Variants in SLC9C2 observed in about 807,000 individuals in gnomAD.
SLC9C2 encodes the protein sodium/hydrogen exchanger 11.
A neutral mutation model predicts 140.2 loss-of-function variants in SLC9C2; 75 were observed. The observed-to-expected ratio is 0.53, with a 90% confidence interval of 0.44 to 0.65. SLC9C2 has a LOEUF of 0.65. Ranked by LOEUF, SLC9C2 falls within the 30% of genes least tolerant of loss-of-function variation. The pLI, the probability that SLC9C2 is intolerant of heterozygous loss-of-function variation, is 0.00. For synonymous variants in SLC9C2, 375 were observed against 420.9 expected, an observed-to-expected ratio of 0.89 and a Z score of 1.34; for missense variants, 1,074 against 1,331.8, an observed-to-expected ratio of 0.81 and a Z score of 3.01.
chr1:173,577,223 G>T (rs1052931988), intron 7 of SLC9C2, among the ~76,000 whole-genome samples: 1 of 152,216 alleles, frequency 6.6e-6, no homozygotes, highest in African/African-American at 2.4e-5. Flanking sequence ...CATCACTGAG[G>T]ATAGGGCTAA....
At chr1:173,518,743 A>G (rs1043003895) in intron 22 of SLC9C2, among the ~76,000 whole-genome samples, 9 of 152,340 alleles carry the variant, frequency 5.9e-5, no homozygotes, top group African/African-American at 1.9e-4. Context: ...ATTAGCATTC[A>G]GACTTTTAAA....
At chr1:173,560,290 C>T (rs187996109) in intron 9 of SLC9C2, among the ~76,000 whole-genome samples, 34 of 152,336 alleles carry the variant, frequency 2.2e-4, no homozygotes, top group Admixed American at 2.2e-3. Flanking sequence ...TCCATTTAGA[C>T]ATCCTCTTCA....
chr1:173,550,746 T>TG, intron 11 of SLC9C2, among the ~76,000 whole-genome samples: 1 of 146,308 alleles, frequency 6.8e-6, no homozygotes, highest in East Asian at 2.0e-4. Flanking sequence ...CCTGTATCAT[T>TG]TTTTTTTTTT....
At chr1:173,530,316 G>C (rs1029531833) in intron 17 of SLC9C2, among the ~76,000 whole-genome samples, 3 of 152,140 alleles carry the variant, frequency 2.0e-5, no homozygotes, top group African/African-American at 7.2e-5. Context: ...AGAAGGTGAA[G>C]CTTAGTGAAT....
intron 15 of SLC9C2, among the ~76,000 whole-genome samples, chr1:173,535,284 G>A (rs1007764199): frequency 2.6e-5 from 4 of 152,090 alleles, no homozygotes; most frequent in Non-Finnish European, 5.9e-5. Flanking sequence ...TGTTCTATTG[G>A]TATAAAAATT....
At chr1:173,550,360 T>C (rs1663168234) in intron 11 of SLC9C2, among the ~76,000 whole-genome samples, 1 of 152,096 alleles carries the variant, frequency 6.6e-6, no homozygotes, top group Admixed American at 6.6e-5. Context: ...GCCATAATCG[T>C]GCCACTGCAT....
At chr1:173,554,131 T>C (rs1663506543) in intron 11 of SLC9C2, among the ~76,000 whole-genome samples, 1 of 152,242 alleles carries the variant, frequency 6.6e-6, no homozygotes, top group Non-Finnish European at 1.5e-5. Flanking sequence ...CCAACATCCA[T>C]TCTCTTCTTC....
rs1661915895 is a variant in SLC9C2, at chr1:173,535,885, T to C, written c.1720A>G (p.Asn574Asp). The C allele has an allele frequency of 6.6e-6, 10 of 1,514,688 alleles. No individual in the cohort carries two copies. Among genetic ancestry groups the C allele is most frequent in the Non-Finnish European group, 8.9e-6 (10 of 1,126,416 alleles). The allele number at this position is 1,514,688 out of a possible 1,614,324, so 93.8% of individuals were successfully genotyped here. ...CAATATTCCAAGAAAGTTAAAACAT[T>C]TTTAAACTTTATAAGCCAACTTCTA... ...RTRSWLIKFK[N>D]VLTFLEYCIE... The change falls in exon 15 of 28, where the codon AAT becomes GAT. Residue 574 changes from asparagine (N) to aspartate (D), a missense_variant. Transcript: ENST00000367714.
intron 5 of SLC9C2, among the ~76,000 whole-genome samples, chr1:173,584,844 T>C (rs1476902238): frequency 2.0e-5 from 3 of 152,162 alleles, no homozygotes; most frequent in Non-Finnish European, 2.9e-5. Context: ...TGTTTTCTCG[T>C]CCTCTTCTCT....
intron 9 of SLC9C2, among the ~76,000 whole-genome samples, chr1:173,562,150 G>C (rs1334278170): frequency 2.6e-5 from 4 of 152,118 alleles, no homozygotes; most frequent in African/African-American, 9.7e-5. Flanking sequence ...ACTAGCCCCT[G>C]TGCCCAATGA....
chr1:173,535,140 T>G (rs1309287572), intron 15 of SLC9C2, among the ~76,000 whole-genome samples: 1 of 152,144 alleles, frequency 6.6e-6, no homozygotes, highest in South Asian at 2.1e-4. Context: ...TCCTACACTT[T>G]TGATTTTTTG....
chr1:173,599,889 CCACCG>C (rs1407578523), intron 3 of SLC9C2, among the ~76,000 whole-genome samples: 1 of 152,176 alleles, frequency 6.6e-6, no homozygotes, highest in Non-Finnish European at 1.5e-5. Context: ...CAACCGTCAG[CCACCG>C]CACCTGGCCA....
chr1:173,542,646 A>C (rs1037759003), intron 13 of SLC9C2, among the ~76,000 whole-genome samples: 4 of 152,214 alleles, frequency 2.6e-5, no homozygotes, highest in Non-Finnish European at 5.9e-5. Context: ...CAGCACACCA[A>C]ACAGCTTATC....
intron 4 of SLC9C2, among the ~76,000 whole-genome samples, chr1:173,592,545 T>C (rs1223118029): frequency 2.0e-5 from 3 of 152,200 alleles, no homozygotes; most frequent in Non-Finnish European, 4.4e-5. Context: ...AGCAGTGTTT[T>C]GTAGTTCTCA....
intron 23 of SLC9C2, among the ~76,000 whole-genome samples, chr1:173,515,235 C>T (rs1391749961): frequency 1.3e-5 from 2 of 152,136 alleles, no homozygotes; most frequent in Non-Finnish European, 2.9e-5. Flanking sequence ...TGGATAACAT[C>T]CTGATCCTGA....
chr1:173,543,780 G>T (rs1396693549), intron 13 of SLC9C2, among the ~76,000 whole-genome samples: 3 of 152,196 alleles, frequency 2.0e-5, no homozygotes, highest in African/African-American at 7.2e-5. Context: ...AATAAATGGT[G>T]CTGGGAAAGC....
In SLC9C2 at chr1:173,536,034, G is replaced by A. The variant is rs1025445986; in HGVS notation, c.1656-85C>T. On this transcript the variant is annotated intron_variant, in intron 14 of 27. Coordinates refer to ENST00000367714, the MANE Select transcript of SLC9C2 (RefSeq NM_178527.4). ...AATATAAAAGGGGAAGGTGTACTAAGTATAAATTTAATATGGACCCACCAA... is the reference window on the plus strand; with the variant it reads ...AATATAAAAGGGGAAGGTGTACTAAATATAAATTTAATATGGACCCACCAA... 1.9e-5 allele frequency: 24 copies of A among 1,235,084 alleles called. No individual in the cohort carries two copies. In the Admixed American group the frequency reaches 2.2e-4, roughly 11 times the overall value. The allele number at this position is 1,235,084 out of a possible 1,614,324, so 76.5% of individuals were successfully genotyped here.
In SLC9C2 at chr1:173,521,296, C is replaced by G; in HGVS notation, c.2739+5G>C. On this transcript the variant is annotated splice_donor_5th_base_variant and intron_variant, in intron 22 of 27. Transcript: ENST00000367714. ...AAAAAAAAAAAAAAATCAATAGTCC[C>G]TTACAATTGCCATTCCTGAAATAAT... 6.8e-7 allele frequency: 1 copy of G among 1,460,580 alleles called. No individual in the cohort carries two copies. The highest frequency in any genetic ancestry group is 9.2e-7 in the Non-Finnish European group (1 of 1,088,784). The allele number at this position is 1,460,580 out of a possible 1,614,324, so 90.5% of individuals were successfully genotyped here.
At position 173,505,446 on chromosome 1, in the gene SLC9C2, C is replaced by T; in HGVS notation, c.3226-115G>A. On this transcript the variant is annotated intron_variant, in intron 25 of 27. Coordinates refer to ENST00000367714, the MANE Select transcript of SLC9C2 (RefSeq NM_178527.4). The stretch of plus-strand genomic sequence containing the variant: ...AAGCCAAAGCCTAAAGCTGGGTCTT[C>T]AATCTTGGCTCTATATTCTAAATTT... The T allele has an allele frequency of 4.1e-6, 3 of 725,710 alleles. No individual in the cohort carries two copies. The South Asian group carries it at 5.6e-5, about 13-fold the overall frequency. 45.0% of individuals were successfully genotyped at this position (725,710 alleles called of 1,614,324 possible). A position where few individuals can be genotyped will look rare whatever the true frequency, so the allele number is the denominator to read the frequency against.
Sources: allele counts gnomAD v4.1 joint callset (sites outside exome capture counted in the v4.1 genomes callset), GRCh38; gene constraint gnomAD v4.1.1; transcripts MANE v1.5; gene names NCBI Gene and HGNC (gene_info 2026-07-23, HGNC 2026-07-21).